Variants in SOX6 observed in about 807,000 individuals in gnomAD.
SOX6 encodes transcription factor SOX-6.
A neutral mutation model predicts 97.8 loss-of-function variants in SOX6; 11 were observed. The observed-to-expected ratio is 0.11, with a 90% CI of 0.07 to 0.19. SOX6 has a LOEUF of 0.19. Ranked by LOEUF, SOX6 falls within the 10% of genes least tolerant of loss-of-function variation. The pLI is 1.00. For synonymous variants in SOX6, 360 were observed against 371.4 expected, an observed-to-expected ratio of 0.97 and a Z score of 0.35; for missense variants, 810 against 1,039.5, an observed-to-expected ratio of 0.78 and a Z score of 3.04.
intron 1 of SOX6, among the ~76,000 whole-genome samples, chr11:16,447,998 G>A (rs1245765870): frequency 6.6e-6 from 1 of 152,170 alleles, no homozygotes; most frequent in East Asian, 1.9e-4. Flanking sequence ...TACAGTTCTT[G>A]TTCCCTGGCA....
At chr11:16,588,577 G>T (rs1330077567) in intron 4 of SOX6, among the ~76,000 whole-genome samples, 3 of 152,138 alleles carry the variant, frequency 2.0e-5, no homozygotes, top group Non-Finnish European at 1.5e-5. Context: ...AGACACTCAG[G>T]AGAGTAGTAA....
At chr11:16,259,296 A>T (rs1052127719) in intron 3 of SOX6, among the ~76,000 whole-genome samples, 4 of 152,070 alleles carry the variant, frequency 2.6e-5, no homozygotes, top group African/African-American at 7.2e-5. Flanking sequence ...ATCCTAAATA[A>T]ATAGATGGAC....
chr11:16,643,897 G>A (rs996905139), intron 3 of SOX6, among the ~76,000 whole-genome samples: 9 of 152,154 alleles, frequency 5.9e-5, no homozygotes, highest in South Asian at 2.1e-4. Context: ...GCTCACACTC[G>A]GTGCACTGCA....
At chr11:16,109,444 C>T (rs550270815) in intron 7 of SOX6, among the ~76,000 whole-genome samples, 1 of 152,174 alleles carries the variant, frequency 6.6e-6, no homozygotes, top group East Asian at 1.9e-4. Flanking sequence ...GAGTGATCCT[C>T]CCACCCCTCA....
In SOX6 at chr11:16,603,936, G is replaced by A. The variant is rs187015299; in HGVS notation, n.609+8145C>T. 6.9e-3 allele frequency among the ~76,000 whole-genome samples: 1,047 copies of A among 152,358 alleles called. 6 individuals are homozygous for A. The highest frequency in any genetic ancestry group is 0.012 in the Non-Finnish European group (805 of 68,040). The stretch of plus-strand genomic sequence containing the variant: ...CTCGGGAATCCTGGAACCCAGAACA[G>A]AGCTGAGCGGACCAGGTCGGCCAAG... On this transcript the variant is annotated intron_variant and non_coding_transcript_variant, in intron 4 of 5. Transcript: ENST00000524520.
In SOX6 at chr11:16,143,238, A is replaced by T. The variant is rs1272020934; in HGVS notation, c.778-31315T>A. ...AAGAATTTTCAACCCAGAATTCCAT[A>T]TCCAGCCAAACTAAGCTTCATAAGT... On this transcript the variant is annotated intron_variant, in intron 6 of 15. Coordinates refer to ENST00000683767, the MANE Select transcript of SOX6 (RefSeq NM_001367873.1). Among the ~76,000 whole-genome samples the T allele has an allele frequency of 2.6e-5, 4 of 152,286 alleles. No individual in the cohort carries two copies. The East Asian group carries it at 7.7e-4, about 29-fold the overall frequency.
chr11:16,068,787 G>A (rs1848152804), intron 9 of SOX6, among the ~76,000 whole-genome samples: 1 of 152,144 alleles, frequency 6.6e-6, no homozygotes, highest in Admixed American at 6.5e-5. Flanking sequence ...AGCGTTATCT[G>A]ACTACTGCCT....
At chr11:16,679,114 C>A (rs1273766979) in intron 3 of SOX6, among the ~76,000 whole-genome samples, 1 of 152,200 alleles carries the variant, frequency 6.6e-6, no homozygotes, top group Non-Finnish European at 1.5e-5. Flanking sequence ...AGTGGTTCTC[C>A]CAGCGTGGCA....
At chr11:16,077,455 T>G (rs907775396) in intron 9 of SOX6, among the ~76,000 whole-genome samples, 1 of 152,184 alleles carries the variant, frequency 6.6e-6, no homozygotes, top group African/African-American at 2.4e-5. Flanking sequence ...AATCTCATTA[T>G]GGGGCATAAA....
intron 4 of SOX6, among the ~76,000 whole-genome samples, chr11:16,604,307 C>G (rs899100845): frequency 9.9e-5 from 15 of 152,218 alleles, no homozygotes; most frequent in African/African-American, 3.6e-4. Flanking sequence ...ACCACTTGAC[C>G]TTTTTTATTC....
chr11:15,984,426 G>C (rs1853762302), intron 15 of SOX6, among the ~76,000 whole-genome samples: 1 of 152,122 alleles, frequency 6.6e-6, no homozygotes, highest in Non-Finnish European at 1.5e-5. Context: ...GGGAGGGCAG[G>C]AATCACAAGA....
intron 1 of SOX6, among the ~76,000 whole-genome samples, chr11:16,419,075 C>A (rs1858978849): frequency 6.6e-6 from 1 of 152,156 alleles, no homozygotes; most frequent in Admixed American, 6.5e-5. Flanking sequence ...TGCAAAATTT[C>A]TGCTATTTTA....
At position 16,341,138 on chromosome 11, in the gene SOX6, C is replaced by T. The variant is rs1856617911; in HGVS notation, c.111G>A (p.Val37=). The change falls in exon 2 of 16, where the codon GTG becomes GTA. Residue 37 remains valine, a synonymous_variant. Transcript: ENST00000683767. The part of the protein sequence containing the change: ...REKEEGSDQH[V]ASHLPLHPIM... Reference sequence around the variant, plus strand: ...TGGGGTGCAGAGGCAGATGGGAGGCCACATGTTGATCACTGCCCTCTTCCT... The same window carrying T: ...TGGGGTGCAGAGGCAGATGGGAGGCTACATGTTGATCACTGCCCTCTTCCT... 1 of 1,613,346 alleles carries T rather than the reference C, an allele frequency of 6.2e-7. No homozygotes were observed. The highest frequency in any genetic ancestry group is 1.7e-5 in the Admixed American group (1 of 59,944).
intron 6 of SOX6, among the ~76,000 whole-genome samples, chr11:16,152,750 T>C (rs928662107): frequency 1.4e-5 from 2 of 147,158 alleles, no homozygotes; most frequent in Admixed American, 1.4e-4. Flanking sequence ...TCAGAAATGA[T>C]ATATTAGAAT....
intron 4 of SOX6, among the ~76,000 whole-genome samples, chr11:16,188,333 T>C (rs774311618): frequency 1.3e-5 from 2 of 151,992 alleles, no homozygotes; most frequent in Non-Finnish European, 2.9e-5. Context: ...ATAAAGTTGT[T>C]AGAAAGTGTA....
chr11:16,003,934 T>C (rs1439943961), intron 13 of SOX6, among the ~76,000 whole-genome samples: 2 of 151,840 alleles, frequency 1.3e-5, no homozygotes, highest in Non-Finnish European at 2.9e-5. Flanking sequence ...GGAAGGATGG[T>C]AAGGCATGTC....
At position 16,300,248 on chromosome 11, in the gene SOX6, G is replaced by C. The variant is rs1361618094; in HGVS notation, c.445+18198C>G. Among the ~76,000 whole-genome samples the C allele has an allele frequency of 6.6e-6, 1 of 152,086 alleles. No individual in the cohort carries two copies. The highest frequency in any genetic ancestry group is 2.4e-5 in the African/African-American group (1 of 41,400). Reference sequence around the variant, plus strand: ...AAGTTTCTAAACCAAATACTGAGCTGAGCAGGGATTAAAAAAAAGGACTTA... The same window carrying C: ...AAGTTTCTAAACCAAATACTGAGCTCAGCAGGGATTAAAAAAAAGGACTTA... On this transcript the variant is annotated intron_variant, in intron 3 of 15. Transcript: ENST00000683767. The surrounding 1 kb of genome is among the most constrained non-coding windows in gnomAD (Gnocchi z 4.1).
intron 3 of SOX6, among the ~76,000 whole-genome samples, chr11:16,615,331 G>A (rs192449858): frequency 4.6e-5 from 7 of 152,224 alleles, no homozygotes; most frequent in East Asian, 3.9e-4. Context: ...AACTCAGAGC[G>A]CTCTTGGTTT....
At chr11:16,287,128 TC>T in intron 3 of SOX6, among the ~76,000 whole-genome samples, 1 of 152,188 alleles carries the variant, frequency 6.6e-6, no homozygotes, top group East Asian at 1.9e-4. Context: ...AAATTGTTGT[TC>T]TGATGAAAAG....
Sources: allele counts gnomAD v4.1 joint callset (sites outside exome capture counted in the v4.1 genomes callset), GRCh38; gene constraint gnomAD v4.1.1; non-coding constraint Gnocchi (gnomAD v3.1); transcripts MANE v1.5; gene names NCBI Gene and HGNC (gene_info 2026-07-23, HGNC 2026-07-21).